METTL16: variants seen among roughly 807,000 people sequenced by gnomAD.
METTL16 encodes the protein RNA N(6)-adenosine-methyltransferase METTL16.
In METTL16, 19 loss-of-function variants were observed where a neutral mutation model predicts 57.9. The observed-to-expected ratio is 0.33, with a 90% CI of 0.23 to 0.48. The LOEUF (loss-of-function observed/expected upper bound fraction) is 0.48. Among genes scored for constraint, METTL16 ranks in the 20% least tolerant of loss-of-function variants. The probability of loss-of-function intolerance (pLI) is 0.99; values close to 1 mark genes in which losing one functional copy is unlikely to be tolerated. For missense variants in METTL16, 434 were observed against 691.5 expected, an observed-to-expected ratio of 0.63 and a Z score of 4.18; for synonymous variants, 246 against 255.6, an observed-to-expected ratio of 0.96 and a Z score of 0.36.
At chr17:2,444,193 C>CGGTGGCTCACACTTTG (rs2066975958) in intron 6 of METTL16, among the ~76,000 whole-genome samples, 1 of 152,054 alleles carries the variant, frequency 6.6e-6, no homozygotes, top group South Asian at 2.1e-4. Context: ...AGGCCGGGCA[C>CGGTGGCTCACACTTTG]GGTGGCTCAC....
chr17:2,496,337 G>A (rs768173366), intron 2 of METTL16, among the ~76,000 whole-genome samples: 6 of 151,252 alleles, frequency 4.0e-5, no homozygotes, highest in South Asian at 2.1e-4. Flanking sequence ...TCACCTTGTC[G>A]CTCAGGCTGG....
chr17:2,423,167 G>C (rs2066780526), intron 8 of METTL16, among the ~76,000 whole-genome samples: 1 of 151,840 alleles, frequency 6.6e-6, no homozygotes, highest in Non-Finnish European at 1.5e-5. Flanking sequence ...CTTCTAATAA[G>C]AACTAACCAG....
chr17:2,470,880 T>A (rs2067230477), intron 4 of METTL16, among the ~76,000 whole-genome samples: 1 of 152,182 alleles, frequency 6.6e-6, no homozygotes, highest in South Asian at 2.1e-4. Flanking sequence ...TAAAGTTTAT[T>A]TGGAGAGGCA....
intron 6 of METTL16, among the ~76,000 whole-genome samples, chr17:2,453,713 T>A (rs1209019184): frequency 6.6e-6 from 1 of 152,224 alleles, no homozygotes; most frequent in African/African-American, 2.4e-5. Context: ...GTTCCACGAA[T>A]CAATTATTAC....
chr17:2,441,620 C>G, intron 6 of METTL16, 61 bp from the exon 7 acceptor site: 2 of 1,133,794 alleles, frequency 1.8e-6, no homozygotes, highest in Non-Finnish European at 2.4e-6. Flanking sequence ...TTAAACTAAG[C>G]ATTATTCAAG....
intron 1 of METTL16, among the ~76,000 whole-genome samples, chr17:2,503,633 C>G (rs1306438210): frequency 1.3e-5 from 2 of 150,806 alleles, no homozygotes; most frequent in African/African-American, 4.9e-5. Flanking sequence ...ATTAACAAAA[C>G]ATGGTATATC....
Position 2,420,548 on chromosome 17 carries a change from G to C in METTL16, c.1111C>G (p.Leu371Val). The change falls in exon 10 of 10, where the codon CTA (leucine) becomes GTA (valine). Residue 371 changes from leucine (L) to valine (V), a missense_variant. This residue lies in a region of METTL16 where 26 missense variants were observed against 63.0 expected (regional missense o/e 0.41). Transcript: ENST00000263092. The surrounding 1 kb of genome is among the most constrained non-coding windows in gnomAD (Gnocchi z 5.4). ...PCGKEEVSLF[L>V]TAIENSWIHL... ...ATCCAGGAGTTTTCTATGGCCGTTA[G>C]GAAAAGGCTGACTTCCTCTTTTCCA... is the stretch of plus-strand genomic sequence containing the variant. 6.2e-7 allele frequency: 1 copy of C among 1,613,330 alleles called. No individual in the cohort carries two copies. The highest frequency in any genetic ancestry group is 8.5e-7 in the Non-Finnish European group (1 of 1,179,994).
At chr17:2,452,051 C>T (rs2067075108) in intron 6 of METTL16, among the ~76,000 whole-genome samples, 1 of 150,028 alleles carries the variant, frequency 6.7e-6, no homozygotes, top group Non-Finnish European at 1.5e-5. Flanking sequence ...GTGATAGGAT[C>T]GCTTGAGCCT....
At chr17:2,477,399 AT>A (rs937069647) in intron 3 of METTL16, 58 of 291,340 alleles carry the variant, frequency 2.0e-4, no homozygotes, top group South Asian at 3.2e-4. Flanking sequence ...TTGGATTTCA[AT>A]TTTTTTTTCA....
chr17:2,489,524 A>G (rs2067368216), intron 2 of METTL16, among the ~76,000 whole-genome samples: 2 of 151,928 alleles, frequency 1.3e-5, no homozygotes, highest in African/African-American at 4.8e-5. Flanking sequence ...GCGTGGTGGC[A>G]GGCAACTGTA....
intron 2 of METTL16, 62 bp downstream of exon 2, chr17:2,502,142 C>G (rs1303017765): frequency 6.4e-7 from 1 of 1,557,014 alleles, no homozygotes; most frequent in Admixed American, 1.8e-5. Context: ...GGTGGGCTTT[C>G]TATTACATCA....
At chr17:2,437,915 C>A (rs776435729) in intron 8 of METTL16, among the ~76,000 whole-genome samples, 194 bp downstream of exon 8, 1 of 152,178 alleles carries the variant, frequency 6.6e-6, no homozygotes, top group Non-Finnish European at 1.5e-5. Context: ...TGTACAGACT[C>A]ACAGAGGAAG....
At chr17:2,464,747 T>C (rs1025364778) in intron 5 of METTL16, among the ~76,000 whole-genome samples, 3 of 152,172 alleles carry the variant, frequency 2.0e-5, no homozygotes, top group African/African-American at 7.2e-5. Flanking sequence ...CCTTACCTCA[T>C]ACCATATGAA....
intron 6 of METTL16, among the ~76,000 whole-genome samples, chr17:2,442,985 G>A (rs1334448399): frequency 1.3e-5 from 2 of 151,040 alleles, no homozygotes; most frequent in Admixed American, 6.6e-5. Context: ...GTGCCACCAC[G>A]CCCAACTAAT....
intron 1 of METTL16, among the ~76,000 whole-genome samples, chr17:2,507,752 A>G (rs968213988): frequency 6.6e-6 from 1 of 152,326 alleles, no homozygotes; most frequent in African/African-American, 2.4e-5. Flanking sequence ...AGAGGTAGAC[A>G]TGGGAGACTT....
intron 2 of METTL16, among the ~76,000 whole-genome samples, chr17:2,489,833 A>C (rs948291348): frequency 6.6e-6 from 1 of 152,022 alleles, no homozygotes; most frequent in Non-Finnish European, 1.5e-5. Flanking sequence ...AAGTCCAGTG[A>C]TAAAAGAGGA....
At chr17:2,457,496 C>G (rs1729397733) in intron 6 of METTL16, among the ~76,000 whole-genome samples, 1 of 151,984 alleles carries the variant, frequency 6.6e-6, no homozygotes, top group Non-Finnish European at 1.5e-5. Flanking sequence ...AACCTGAGGT[C>G]AGGAGTTTTG....
intron 8 of METTL16, chr17:2,424,232 G>A (rs1216952228): frequency 1.3e-5 from 2 of 149,598 alleles, no homozygotes; most frequent in Non-Finnish European, 3.0e-5. Flanking sequence ...TCCTGCCTCA[G>A]CCTCCCAAGT....
At chr17:2,470,223 G>C (rs996224508) in intron 4 of METTL16, among the ~76,000 whole-genome samples, 1 of 151,804 alleles carries the variant, frequency 6.6e-6, no homozygotes, top group African/African-American at 2.4e-5. Context: ...TTTTTGCACT[G>C]AGGAACACAA....
Sources: gnomAD v4.1 joint callset for allele counts (sites outside exome capture counted in the v4.1 genomes callset) on GRCh38, gnomAD v4.1.1 for gene constraint, gnomAD v4.1.1 regional missense constraint, Gnocchi (gnomAD v3.1) non-coding constraint, MANE v1.5 for transcripts, NCBI Gene and HGNC (gene_info 2026-07-23, HGNC 2026-07-21) for gene names.